The following LMBRD2 variants were observed in gnomAD, a reference collection of about 807,000 sequenced individuals.
LMBRD2 encodes the protein G protein-coupled receptor-associated protein LMBRD2.
LMBRD2 carries 55 observed loss-of-function variants against 94.4 expected under a neutral mutation model. That is an observed-to-expected ratio of 0.58 (90% CI 0.47 to 0.73). LMBRD2 has a LOEUF of 0.73. LMBRD2 is among the 30% of genes least tolerant of loss of function. The probability of loss-of-function intolerance (pLI) is 0.00; values close to 1 mark genes in which losing one functional copy is unlikely to be tolerated. For missense variants in LMBRD2, 640 were observed against 831.9 expected, an observed-to-expected ratio of 0.77 and a Z score of 2.84; for synonymous variants, 246 against 272.4, an observed-to-expected ratio of 0.90 and a Z score of 0.95.
At chr5:36,108,083 A>G in intron 16 of LMBRD2, among the ~76,000 whole-genome samples, 1 of 152,120 alleles carries the variant, frequency 6.6e-6, no homozygotes, top group East Asian at 1.9e-4. Context: ...CCCTCACTCA[A>G]TTATGAGCAT....
chr5:36,098,810 AT>A lies in LMBRD2; in HGVS notation c.*5235del, dbSNP rs1157415107. ...GTACATATTTGAAAATGTAGTGAGA[AT>A]CTACAGAGAAAAAAAATAGTTTAAT... On this transcript the variant is annotated 3_prime_UTR_variant, in exon 18 of 18. Coordinates refer to ENST00000296603, the MANE Select transcript of LMBRD2 (RefSeq NM_001007527.2). 6.6e-6 allele frequency: 1 copy of A among 151,288 alleles called. No homozygotes were observed. The highest frequency in any genetic ancestry group is 1.9e-4 in the East Asian group (1 of 5,194). The allele number at this position is 151,288 out of a possible 1,614,324, so 9.4% of individuals were successfully genotyped here.
intron 8 of LMBRD2, among the ~76,000 whole-genome samples, 185 bp downstream of exon 8, chr5:36,122,663 C>A (rs932461927): frequency 3.3e-5 from 5 of 152,064 alleles, no homozygotes; most frequent in Admixed American, 2.6e-4. Flanking sequence ...AGAATTCTCC[C>A]TCCCCAAACG....
chr5:36,108,395 A>G (rs980202474), intron 16 of LMBRD2, 139 bp downstream of exon 16: 5 of 472,080 alleles, frequency 1.1e-5, no homozygotes, highest in East Asian at 3.1e-5. Flanking sequence ...AGGAATGCAG[A>G]AAAAAAAGAA....
At chr5:36,139,321 G>C (rs1456207504) in intron 4 of LMBRD2, among the ~76,000 whole-genome samples, 1 of 152,222 alleles carries the variant, frequency 6.6e-6, no homozygotes, top group Non-Finnish European at 1.5e-5. Context: ...AGCACAGAAG[G>C]GAGGCTGACA....
At chr5:36,147,198 T>C (rs1013042013) in intron 1 of LMBRD2, among the ~76,000 whole-genome samples, 1 of 152,160 alleles carries the variant, frequency 6.6e-6, no homozygotes, top group Non-Finnish European at 1.5e-5. Context: ...ATTGCCTTAT[T>C]ATGACACAGA....
At chr5:36,137,101 A>G (rs549407640) in intron 5 of LMBRD2, among the ~76,000 whole-genome samples, 173 bp downstream of exon 5, 5 of 152,288 alleles carry the variant, frequency 3.3e-5, no homozygotes, top group Admixed American at 1.3e-4. Context: ...ATGTCATTCC[A>G]TATTTTCTTA....
At chr5:36,122,593 A>G in intron 8 of LMBRD2, 130 bp from the exon 9 acceptor site, 1 of 883,228 alleles carries the variant, frequency 1.1e-6, no homozygotes. Flanking sequence ...TCAGGCTGAG[A>G]ATATTAATGT....
chr5:36,142,987 A>G (rs1219265854), intron 2 of LMBRD2, among the ~76,000 whole-genome samples, 189 bp downstream of exon 2: 1 of 152,002 alleles, frequency 6.6e-6, no homozygotes, highest in Admixed American at 6.6e-5. Flanking sequence ...GGCCTCCCAA[A>G]GTGCTAAAAT....
At position 36,108,270 on chromosome 5, in the gene LMBRD2, G is replaced by T. The variant is rs182070356; in HGVS notation, c.1897+264C>A. ...AAACACCTGCCTAGAACATACCTGG[G>T]ATAAGTGCTTACATTATTTAGGGTT... On this transcript the variant is annotated intron_variant, in intron 16 of 17. Coordinates refer to ENST00000296603, the MANE Select transcript of LMBRD2 (RefSeq NM_001007527.2). Among the ~76,000 whole-genome samples, 11 of 152,242 alleles carry T rather than the reference G, an allele frequency of 7.2e-5. No homozygotes were observed. The East Asian group carries it at 2.1e-3, about 29-fold the overall frequency.
chr5:36,137,542 G>A, intron 4 of LMBRD2, 101 bp from the exon 5 acceptor site: 4 of 628,298 alleles, frequency 6.4e-6, no homozygotes, highest in African/African-American at 1.8e-5. Flanking sequence ...TAATGAATAG[G>A]TCTTCTCATT....
At position 36,103,460 on chromosome 5, in the gene LMBRD2, C is replaced by T. The variant is rs936222029; in HGVS notation, c.*586G>A. On this transcript the variant is annotated 3_prime_UTR_variant, in exon 18 of 18. Coordinates refer to ENST00000296603, the MANE Select transcript of LMBRD2 (RefSeq NM_001007527.2). ...CTTGAAGTATAATCTTAATCTTATA[C>T]ATGCAAAAATCCCCCACGAGTTTGC... 1 of 152,288 alleles carries T rather than the reference C, an allele frequency of 6.6e-6. No individual in the cohort carries two copies. Among genetic ancestry groups the T allele is most frequent in the Admixed American group, 6.6e-5 (1 of 15,218 alleles). The allele number at this position is 152,288 out of a possible 1,614,324, so 9.4% of individuals were successfully genotyped here.
chr5:36,129,651 A>G (rs1744087482), intron 6 of LMBRD2, among the ~76,000 whole-genome samples: 1 of 152,334 alleles, frequency 6.6e-6, no homozygotes, highest in South Asian at 2.1e-4. Flanking sequence ...ATTGATGAGC[A>G]ATAAAAATCA....
At chr5:36,117,953 C>T (rs774662874) in intron 9 of LMBRD2, 37 bp from the exon 10 acceptor site, 10 of 1,459,776 alleles carry the variant, frequency 6.9e-6, no homozygotes, top group African/African-American at 4.3e-5. Flanking sequence ...AGGAAAACTA[C>T]AAAAGAGTAA....
At chr5:36,137,826 T>C (rs1194348348) in intron 4 of LMBRD2, among the ~76,000 whole-genome samples, 6 of 152,170 alleles carry the variant, frequency 3.9e-5, no homozygotes, top group African/African-American at 1.4e-4. Context: ...GTTGACAGCA[T>C]ACTGACTTTG....
chr5:36,115,771 G>A (rs1743729460), intron 11 of LMBRD2, among the ~76,000 whole-genome samples: 2 of 152,058 alleles, frequency 1.3e-5, no homozygotes, highest in Non-Finnish European at 2.9e-5. Flanking sequence ...ACTAAATAAA[G>A]TCTGTAGTTT....
At chr5:36,147,250 G>C (rs1005400136) in intron 1 of LMBRD2, among the ~76,000 whole-genome samples, 3 of 152,032 alleles carry the variant, frequency 2.0e-5, no homozygotes, top group Non-Finnish European at 4.4e-5. Flanking sequence ...AAAAATTGGG[G>C]TTTTCCTAAC....
chr5:36,114,915 C>T lies in LMBRD2; in HGVS notation c.1542+100G>A, dbSNP rs150531444. The T allele has an allele frequency of 2.9e-3, 2,176 of 752,000 alleles. 34 individuals are homozygous for T. In the African/African-American group the frequency reaches 0.035, roughly 12 times the overall value. The allele number at this position is 752,000 out of a possible 1,614,324, so 46.6% of individuals were successfully genotyped here. A position where few individuals can be genotyped will look rare whatever the true frequency, so the allele number is the denominator to read the frequency against. ...CTTTAAGAGAAAATTTTACCAATAA[C>T]ACTATAGAACTTTTCTGCTGGCATT... On this transcript the variant is annotated intron_variant, in intron 12 of 17. Coordinates refer to ENST00000296603, the MANE Select transcript of LMBRD2 (RefSeq NM_001007527.2).
chr5:36,135,010 C>T (rs1407048172), intron 6 of LMBRD2, among the ~76,000 whole-genome samples: 3 of 152,154 alleles, frequency 2.0e-5, no homozygotes, highest in African/African-American at 7.2e-5. Flanking sequence ...ACTACTTGTT[C>T]TCATACTAGA....
rs929294686 is a variant in LMBRD2 at position 36,111,271 on chromosome 5, G to T, written c.1641-13C>A. ...ACGGGTTCCCAAACTAATAAAAGCA[G>T]ATTTTTTAAAAAGACAAACATTATT... On this transcript the variant is annotated splice_polypyrimidine_tract_variant and intron_variant, in intron 13 of 17. Transcript: ENST00000296603. The T allele has an allele frequency of 1.3e-5, 20 of 1,552,672 alleles. No homozygotes were observed. The Middle Eastern group carries it at 6.7e-4, about 52-fold the overall frequency.
Sources: allele counts gnomAD v4.1 joint callset (sites outside exome capture counted in the v4.1 genomes callset), GRCh38; gene constraint gnomAD v4.1.1; transcripts MANE v1.5; gene names NCBI Gene and HGNC (gene_info 2026-07-23, HGNC 2026-07-21).